The following SLC25A13 variants were observed in gnomAD, a reference collection of about 807,000 sequenced individuals.
The protein encoded by SLC25A13 is electrogenic aspartate/glutamate antiporter SLC25A13, mitochondrial.
A neutral mutation model predicts 85.5 loss-of-function variants in SLC25A13; 70 were observed. The observed-to-expected ratio is 0.82, with a 90% CI of 0.68 to 1.00. The LOEUF is 1.00. Among genes scored for constraint, SLC25A13 ranks in the 50% least tolerant of loss-of-function variants. SLC25A13 has a pLI of 0.00. For missense variants in SLC25A13, 765 were observed against 819.8 expected (o/e 0.93, Z 0.82); for synonymous variants, 259 against 288.7 (o/e 0.90, Z 1.04).
intron 4 of SLC25A13, among the ~76,000 whole-genome samples, chr7:96,218,036 T>C (rs4236530): frequency 0.34 from 51,449 of 151,908 alleles, 9,177 homozygotes; most frequent in East Asian, 0.59. Flanking sequence ...ACAGTTTTTC[T>C]GGAGTTAAGC....
intron 11 of SLC25A13, among the ~76,000 whole-genome samples, chr7:96,182,452 G>A (rs1167473605): frequency 2.0e-5 from 3 of 152,186 alleles, no homozygotes; most frequent in East Asian, 3.8e-4. Flanking sequence ...AAGATAAATG[G>A]CCATTTCTAA....
chr7:96,294,369 T>C (rs915779556), intron 2 of SLC25A13, among the ~76,000 whole-genome samples: 1 of 152,190 alleles, frequency 6.6e-6, no homozygotes, highest in Non-Finnish European at 1.5e-5. Flanking sequence ...ACATGGCTCA[T>C]GTATACATAT....
rs2116426311 is a variant in SLC25A13, at chr7:96,131,883, T to A, written c.1453-2A>T. On this transcript the variant is annotated splice_acceptor_variant, in intron 14 of 17. Transcript: ENST00000265631. LOFTEE classifies it high-confidence loss of function. ...CCGCAGAAAGCATGCTTTGGCACCCTGCACATTTGCAAAGGAAGAAAAACC... is the reference window on the plus strand; with the variant it reads ...CCGCAGAAAGCATGCTTTGGCACCCAGCACATTTGCAAAGGAAGAAAAACC... The A allele has an allele frequency of 2.5e-6, 4 of 1,613,938 alleles. No homozygotes were observed. Among genetic ancestry groups the A allele is most frequent in the Non-Finnish European group, 2.5e-6 (3 of 1,179,912 alleles).
chr7:96,250,791 A>G (rs191898127), intron 3 of SLC25A13, among the ~76,000 whole-genome samples: 6 of 150,768 alleles, frequency 4.0e-5, no homozygotes, highest in South Asian at 2.1e-4. Context: ...TGGGAGAAAA[A>G]TGACAGCAGA....
chr7:96,284,210 A>G (rs1055218508), intron 2 of SLC25A13, among the ~76,000 whole-genome samples: 4 of 151,912 alleles, frequency 2.6e-5, no homozygotes, highest in Non-Finnish European at 5.9e-5. Flanking sequence ...TCCTAAGGGG[A>G]AAAAAAATTA....
intron 4 of SLC25A13, among the ~76,000 whole-genome samples, chr7:96,229,049 C>A (rs951834042): frequency 6.6e-6 from 1 of 152,190 alleles, no homozygotes; most frequent in Non-Finnish European, 1.5e-5. Context: ...CCCCCTGCTC[C>A]GCAGCGCCCA....
intron 14 of SLC25A13, among the ~76,000 whole-genome samples, chr7:96,133,291 C>T (rs1410224676): frequency 6.6e-6 from 1 of 152,188 alleles, no homozygotes; most frequent in African/African-American, 2.4e-5. Flanking sequence ...GTATCTTGTC[C>T]ACCCCCAAAG....
intron 3 of SLC25A13, among the ~76,000 whole-genome samples, chr7:96,273,735 AT>A (rs1356336487): frequency 6.6e-6 from 1 of 151,560 alleles, no homozygotes; most frequent in African/African-American, 2.4e-5. Context: ...TGTGACTCAG[AT>A]TTTTTTTTCT....
In SLC25A13 at chr7:96,227,192, T is replaced by A. The variant is rs112479726; in HGVS notation, c.328+7610A>T. On this transcript the variant is annotated intron_variant, in intron 4 of 17. Transcript: ENST00000265631. ...GCAAAATTGTACACATGCACCAGCA[T>A]CTTTAGATAACAAATAACATAGATG... Among the ~76,000 whole-genome samples the A allele has an allele frequency of 6.6e-5, 10 of 152,338 alleles. 1 individual carries two copies. Among genetic ancestry groups the A allele is most frequent in the African/African-American group, 2.2e-4 (9 of 41,586 alleles).
intron 5 of SLC25A13, among the ~76,000 whole-genome samples, chr7:96,207,539 T>C (rs114072244): frequency 0.014 from 2,191 of 152,204 alleles, 47 homozygotes; most frequent in African/African-American, 0.05. Flanking sequence ...AATGTAAACA[T>C]ACCAAATGAG....
intron 5 of SLC25A13, among the ~76,000 whole-genome samples, chr7:96,196,228 A>G (rs1223400245): frequency 6.6e-6 from 1 of 152,250 alleles, no homozygotes; most frequent in African/African-American, 2.4e-5. Context: ...TGCGTATTCA[A>G]TTGAAAGTAA....
intron 8 of SLC25A13, 51 bp downstream of exon 8, chr7:96,189,530 C>T (rs1473297496): frequency 1.9e-6 from 3 of 1,569,342 alleles, no homozygotes; most frequent in Non-Finnish European, 2.6e-6. Context: ...CTCCTCCTAA[C>T]CTCCTTTTAT....
At position 96,264,459 on chromosome 7, in the gene SLC25A13, A is replaced by T. The variant is rs768784718; in HGVS notation, c.212+12737T>A. ...ACCTGTCCCCAAATCTCACCACTACATCTACACTCTCTCTCTACTCTAGTC... is the reference window on the plus strand; with the variant it reads ...ACCTGTCCCCAAATCTCACCACTACTTCTACACTCTCTCTCTACTCTAGTC... On this transcript the variant is annotated intron_variant, in intron 3 of 17. Transcript: ENST00000265631. Among the ~76,000 whole-genome samples the T allele has an allele frequency of 1.1e-4, 17 of 152,152 alleles. 1 individual carries two copies. Among genetic ancestry groups the T allele is most frequent in the Non-Finnish European group, 2.5e-4 (17 of 68,016 alleles).
intron 1 of SLC25A13, among the ~76,000 whole-genome samples, chr7:96,309,854 G>A (rs181197632): frequency 3.9e-5 from 6 of 152,204 alleles, no homozygotes; most frequent in South Asian, 4.2e-4. Flanking sequence ...CCAGCCCCTC[G>A]GAAGATGACT....
At chr7:96,307,351 T>C (rs1464490139) in intron 1 of SLC25A13, among the ~76,000 whole-genome samples, 1 of 152,092 alleles carries the variant, frequency 6.6e-6, no homozygotes, top group Non-Finnish European at 1.5e-5. Flanking sequence ...AAATCTTGTT[T>C]AGAGATACAT....
chr7:96,294,286 G>T (rs976505260), intron 2 of SLC25A13, among the ~76,000 whole-genome samples: 10 of 151,888 alleles, frequency 6.6e-5, no homozygotes, highest in African/African-American at 2.4e-4. Context: ...GTTGTGGGGT[G>T]GGGGGAGGAG....
At chr7:96,221,883 C>T (rs1796142805) in intron 4 of SLC25A13, among the ~76,000 whole-genome samples, 1 of 152,186 alleles carries the variant, frequency 6.6e-6, no homozygotes. Flanking sequence ...TCCCTCCAAA[C>T]AATTACATCC....
At chr7:96,124,470 A>G (rs772965813) in intron 15 of SLC25A13, among the ~76,000 whole-genome samples, 1 of 152,220 alleles carries the variant, frequency 6.6e-6, no homozygotes, top group Admixed American at 6.5e-5. Context: ...GATATTACAT[A>G]GAAATTGATG....
At position 96,193,166 on chromosome 7, in the gene SLC25A13, G is replaced by A. The variant is rs1562831788; in HGVS notation, c.486C>T (p.His162=). The stretch of plus-strand genomic sequence containing the variant: ...CCCGTTGCACAAAGGCTTGCTTTGC[G>A]TGCTCCAGTTGTATTTCCTACAAAT... ...TQFLLEIQLE[H]AKQAFVQRDN... Residue 162 remains histidine, a synonymous_variant, in exon 6 of 18, where the codon CAC becomes CAT. Coordinates refer to ENST00000265631, the MANE Select transcript of SLC25A13 (RefSeq NM_014251.3). The A allele has an allele frequency of 5.6e-6, 9 of 1,614,024 alleles. No homozygotes were observed. The highest frequency in any genetic ancestry group is 1.1e-5 in the South Asian group (1 of 91,064).
Sources: allele counts gnomAD v4.1 joint callset (sites outside exome capture counted in the v4.1 genomes callset), GRCh38; gene constraint gnomAD v4.1.1; transcripts MANE v1.5; gene names NCBI Gene and HGNC (gene_info 2026-07-23, HGNC 2026-07-21).